The following SGSH variants were observed in gnomAD, a reference collection of about 807,000 sequenced individuals.
SGSH encodes the protein heparan sulfate sulfatase.
A neutral mutation model predicts 51.0 loss-of-function variants in SGSH; 48 were observed. The ratio of observed to expected loss-of-function variants is 0.94; its 90% CI spans 0.75 to 1.20. The LOEUF (loss-of-function observed/expected upper bound fraction) is 1.20, where lower values mean the gene tolerates loss of function less well. Among genes scored for constraint, SGSH ranks in the 50% most tolerant of loss-of-function variants. The pLI, the probability that SGSH is intolerant of heterozygous loss-of-function variation, is 0.00. For missense variants in SGSH, 662 were observed against 717.8 expected, an observed-to-expected ratio of 0.92 and a Z score of 0.89; for synonymous variants, 321 against 313.4, an observed-to-expected ratio of 1.02 and a Z score of -0.26.
chr17:80,205,105 AC>A (rs1232119797), downstream of SGSH: 1 of 1,613,316 alleles, frequency 6.2e-7, no homozygotes, highest in Non-Finnish European at 8.5e-7. Context: ...GGCCCCATCG[AC>A]CCGCCCGGCC....
Position 80,209,602 on chromosome 17 carries a change from A to C in SGSH, c.*850T>G. On this transcript the variant is annotated 3_prime_UTR_variant, in exon 8 of 8. Transcript: ENST00000326317. ...CCAGTGTCACCGAAGAATTAACCCA[A>C]GGCAGAGGATGGGCATTGCCACCCA... 1.1e-6 allele frequency: 1 copy of C among 923,420 alleles called. No homozygotes were observed. Among genetic ancestry groups the C allele is most frequent in the African/African-American group, 1.9e-5 (1 of 53,788 alleles). The allele number at this position is 923,420 out of a possible 1,614,324, so 57.2% of individuals were successfully genotyped here.
downstream of SGSH, chr17:80,205,465 ACCATGGGACTC>A: frequency 6.5e-7 from 1 of 1,549,218 alleles, no homozygotes; most frequent in Non-Finnish European, 8.7e-7. Context: ...AGGGGTGTTT[ACCATGGGACTC>A]CCCCAGACCC....
chr17:80,201,683 G>T, the SGSH span: 1 of 1,602,240 alleles, frequency 6.2e-7, no homozygotes. The surrounding 1 kb of genome is among the most constrained non-coding windows in gnomAD (Gnocchi z 5.0). Context: ...AGCGCCTTCT[G>T]TCTTCTGGCT....
At chr17:80,201,201 C>T in the SGSH span, 1 of 154,540 alleles carries the variant, frequency 6.5e-6, no homozygotes, top group South Asian at 2.0e-4. The surrounding 1 kb of genome is among the most constrained non-coding windows in gnomAD (Gnocchi z 5.0). Context: ...GTAAAAATAT[C>T]TACTCTCCTA....
At chr17:80,216,603 T>C (rs1361964957) in intron 2 of SGSH, 4 of 207,226 alleles carry the variant, frequency 1.9e-5, no homozygotes, top group African/African-American at 4.5e-5. Context: ...AATAGGAGCA[T>C]GTGTGCCTTA....
intron 1 of SGSH, among the ~76,000 whole-genome samples, chr17:80,218,137 A>G (rs1229236996): frequency 2.6e-5 from 4 of 152,236 alleles, no homozygotes; most frequent in Non-Finnish European, 5.9e-5. Context: ...GCGCATGGCC[A>G]CAGAACTGCT....
downstream of SGSH, chr17:80,204,364 A>T (rs1341477539): frequency 3.3e-6 from 5 of 1,531,106 alleles, no homozygotes; most frequent in South Asian, 2.4e-5. Context: ...GAGCTGGCAC[A>T]GGGGCCACTG....
rs1211029452 is a variant in SGSH at position 80,210,483 on chromosome 17, G to A, written c.1478C>T (p.Pro493Leu). 2 of 1,601,980 alleles carry A rather than the reference G, an allele frequency of 1.2e-6. No homozygotes were observed. Among genetic ancestry groups the A allele is most frequent in the Non-Finnish European group, 1.7e-6 (2 of 1,178,650 alleles). ...CTCATTGTGGAGGGGCTGGCACTGGGGAGAGAGCTTCTCCTCCAGGACGCC... is the reference window on the plus strand; with the variant it reads ...CTCATTGTGGAGGGGCTGGCACTGGAGAGAGAGCTTCTCCTCCAGGACGCC... Reference protein sequence around the residue: ...PDGVLEEKLSPQCQPLHNEL With the variant: ...PDGVLEEKLSLQCQPLHNEL Residue 493 changes from proline (P) to leucine (L), a missense_variant, in exon 8 of 8, where the codon CCC (proline) becomes CTC (leucine). Coordinates refer to ENST00000326317, the MANE Select transcript of SGSH (RefSeq NM_000199.5).
rs367883023 is a variant in SGSH at position 80,210,924 on chromosome 17, C to T, written c.1037G>A (p.Arg346Gln). 32 of 1,608,568 alleles carry T rather than the reference C, an allele frequency of 2.0e-5. No individual in the cohort carries two copies. The highest frequency in any genetic ancestry group is 4.4e-5 in the South Asian group (4 of 91,090). Residue 346 changes from arginine (R) to glutamine (Q), a missense_variant, in exon 8 of 8, where the codon CGG becomes CAG. Coordinates refer to ENST00000326317, the MANE Select transcript of SGSH (RefSeq NM_000199.5). ...GGCCTCCAGCGCCGGCAGGAGGGAC[C>T]GGCCAGTGAGGTGGATGGTCTTCGA... ...FGSKTIHLTG[R>Q]SLLPALEAEP...
At chr17:80,205,757 GT>G, downstream of SGSH, 1 of 1,260,866 alleles carries the variant, frequency 7.9e-7, no homozygotes, top group Non-Finnish European at 1.1e-6. Flanking sequence ...TGAGACCTGG[GT>G]GACCTTGTCG....
chr17:80,210,124 A>C lies in SGSH; in HGVS notation c.*328T>G. On this transcript the variant is annotated 3_prime_UTR_variant, in exon 8 of 8. Coordinates refer to ENST00000326317, the MANE Select transcript of SGSH (RefSeq NM_000199.5). ...AGCCAGAAAACAAGACTCCCTTGTC[A>C]TGGGCTGGGGGCGCTGCCCTGTCCG... 1.6e-6 allele frequency: 2 copies of C among 1,216,160 alleles called. No individual in the cohort carries two copies. The highest frequency in any genetic ancestry group is 1.0e-6 in the Non-Finnish European group (1 of 968,908). The allele number at this position is 1,216,160 out of a possible 1,614,324, so 75.3% of individuals were successfully genotyped here. A position where few individuals can be genotyped will look rare whatever the true frequency, so the allele number is the denominator to read the frequency against.
chr17:80,217,445 G>A (rs1258222222), intron 1 of SGSH, among the ~76,000 whole-genome samples: 2 of 152,170 alleles, frequency 1.3e-5, no homozygotes, highest in African/African-American at 4.8e-5. Flanking sequence ...CATACTTGGT[G>A]GGTATGTTAG....
intron 2 of SGSH, among the ~76,000 whole-genome samples, chr17:80,215,413 C>T (rs953028683): frequency 2.0e-5 from 3 of 152,244 alleles, no homozygotes; most frequent in Admixed American, 6.5e-5. Flanking sequence ...TTTGCGTATC[C>T]GTACTTTTGA....
downstream of SGSH, chr17:80,201,974 AG>A: frequency 2.1e-6 from 3 of 1,433,190 alleles, no homozygotes; most frequent in Non-Finnish European, 2.8e-6. This position sits in a 1 kb window ranked among gnomAD's most constrained non-coding sequence, Gnocchi z 5.0. Context: ...GGACCCCCAG[AG>A]CCAAGAGAGG....
rs190111439 is a variant in SGSH, at chr17:80,217,424, T to A, written c.89-232A>T. Among the ~76,000 whole-genome samples, 20 of 152,320 alleles carry A rather than the reference T, an allele frequency of 1.3e-4. No individual in the cohort carries two copies. In the East Asian group the frequency reaches 1.9e-3, roughly 15 times the overall value. On this transcript the variant is annotated intron_variant, in intron 1 of 7. Transcript: ENST00000326317. ...GGCAAGCATGGTATCAGAGGGCATG[T>A]TAGCAGGTCTCATACTTGGTGGGTA...
downstream of SGSH, chr17:80,207,215 G>A (rs756605626): frequency 1.6e-5 from 10 of 618,904 alleles, no homozygotes; most frequent in Admixed American, 6.0e-5. Context: ...GGCCGTTTCC[G>A]CACAACTTTG....
the SGSH span, chr17:80,201,480 C>A: frequency 2.0e-6 from 1 of 497,084 alleles, no homozygotes; most frequent in Non-Finnish European, 3.6e-6. The surrounding 1 kb of genome is among the most constrained non-coding windows in gnomAD (Gnocchi z 5.0). Flanking sequence ...CAGGAAAGTG[C>A]TTATCACAAA....
intron 4 of SGSH, 33 bp downstream of exon 4, chr17:80,214,582 C>A: frequency 6.2e-7 from 1 of 1,604,516 alleles, no homozygotes; most frequent in Non-Finnish European, 8.5e-7. Flanking sequence ...GTACCGGCCG[C>A]CAGGGGGAAG....
chr17:80,214,463 T>G (rs1358854199), intron 4 of SGSH, 135 bp from the exon 5 acceptor site: 3 of 1,297,900 alleles, frequency 2.3e-6, no homozygotes, highest in Admixed American at 4.2e-5. Flanking sequence ...CCCACGTCCC[T>G]TCTCCCTCTG....
Sources: allele counts gnomAD v4.1 joint callset (sites outside exome capture counted in the v4.1 genomes callset), GRCh38; gene constraint gnomAD v4.1.1; non-coding constraint Gnocchi (gnomAD v3.1); transcripts MANE v1.5; gene names NCBI Gene and HGNC (gene_info 2026-07-23, HGNC 2026-07-21).